The following ROBO2 variants were observed in gnomAD, a reference collection of about 807,000 sequenced individuals.
The protein encoded by ROBO2 is roundabout homolog 2.
ROBO2 carries 53 observed loss-of-function variants against 160.8 expected under a neutral mutation model. That is an observed-to-expected ratio of 0.33 (90% CI 0.26 to 0.41). The LOEUF (loss-of-function observed/expected upper bound fraction) is 0.41, where lower values mean the gene tolerates loss of function less well. Among genes scored for constraint, ROBO2 ranks in the 10% least tolerant of loss-of-function variants. The pLI is 1.00. For missense variants in ROBO2, 1,577 were observed against 1,722.4 expected, an observed-to-expected ratio of 0.92 and a Z score of 1.49; for synonymous variants, 664 against 611.7, an observed-to-expected ratio of 1.09 and a Z score of -1.26.
chr3:77,098,045 G>A (rs199878362), exon 2 of ROBO2: 3 of 1,583,960 alleles, frequency 1.9e-6, no homozygotes, highest in South Asian at 2.3e-5. Context: ...ACTTTCCCCC[G>A]CGGATTGTGG....
intron 6 of ROBO2, among the ~76,000 whole-genome samples, chr3:77,535,866 T>C (rs951516811): frequency 2.6e-5 from 4 of 152,178 alleles, no homozygotes; most frequent in Admixed American, 1.3e-4. Flanking sequence ...TTTCCACAGT[T>C]ACATGATTTC....
chr3:76,777,777 T>C (rs1225716640), intron 2 of ROBO2, among the ~76,000 whole-genome samples: 1 of 151,022 alleles, frequency 6.6e-6, no homozygotes, highest in Non-Finnish European at 1.5e-5. Flanking sequence ...GATGAGAGTT[T>C]AGTTAGTCTG....
chr3:76,773,738 G>A (rs1169427487), intron 2 of ROBO2, among the ~76,000 whole-genome samples: 3 of 150,538 alleles, frequency 2.0e-5, no homozygotes, highest in Admixed American at 6.6e-5. Flanking sequence ...TTAGACCACT[G>A]AGATCAAATT....
chr3:76,501,535 T>C (rs372641945), intron 2 of ROBO2, among the ~76,000 whole-genome samples: 1 of 152,212 alleles, frequency 6.6e-6, no homozygotes, highest in East Asian at 1.9e-4. Flanking sequence ...GCCAGGTATG[T>C]GGAGTAGTAG....
In ROBO2 at chr3:77,142,637, T is replaced by C. The variant is rs1328798369; in HGVS notation, c.388+44297T>C. Among the ~76,000 whole-genome samples, 3 of 152,236 alleles carry C rather than the reference T, an allele frequency of 2.0e-5. No homozygotes were observed. In the East Asian group the frequency reaches 5.8e-4, roughly 29 times the overall value. The stretch of plus-strand genomic sequence containing the variant: ...TAGCAGGCAAATCAATACGCGGTGG[T>C]CCCTACCAGGATTAATCATGGGAGG... On this transcript the variant is annotated intron_variant, in intron 2 of 25. Transcript: ENST00000461745.
chr3:76,906,531 C>T (rs1347991752), intron 2 of ROBO2, among the ~76,000 whole-genome samples: 1 of 151,670 alleles, frequency 6.6e-6, no homozygotes, highest in Non-Finnish European at 1.5e-5. Flanking sequence ...GGGTACCTGG[C>T]ACATAGTATG....
At chr3:77,616,891 A>T (rs2094792188) in intron 21 of ROBO2, among the ~76,000 whole-genome samples, 1 of 152,166 alleles carries the variant, frequency 6.6e-6, no homozygotes, top group Non-Finnish European at 1.5e-5. Context: ...CAATAAAAGT[A>T]TTATTTTTAT....
intron 23 of ROBO2, among the ~76,000 whole-genome samples, chr3:77,628,629 A>T: frequency 6.6e-6 from 1 of 152,192 alleles, no homozygotes; most frequent in Non-Finnish European, 1.5e-5. Context: ...ATGTGGCCAA[A>T]TGTCTTTTAA....
intron 2 of ROBO2, among the ~76,000 whole-genome samples, chr3:76,492,332 A>G (rs917852450): frequency 6.6e-6 from 1 of 152,146 alleles, no homozygotes; most frequent in African/African-American, 2.4e-5. Flanking sequence ...TCTGCCTGGT[A>G]TATTAAAGAT....
At chr3:77,491,363 A>T (rs1050279518) in intron 4 of ROBO2, among the ~76,000 whole-genome samples, 1 of 152,140 alleles carries the variant, frequency 6.6e-6, no homozygotes. Context: ...AGTGTCTCAA[A>T]CCTCTTTAAC....
intron 6 of ROBO2, 100 bp downstream of exon 7, chr3:77,527,514 C>A (rs2091280256): frequency 1.1e-6 from 1 of 915,616 alleles, no homozygotes; most frequent in Non-Finnish European, 1.5e-6. Flanking sequence ...TTATTTTACC[C>A]ATGTTAAAAT....
intron 2 of ROBO2, among the ~76,000 whole-genome samples, chr3:76,625,387 T>C (rs1000687196): frequency 2.6e-5 from 4 of 152,164 alleles, no homozygotes; most frequent in Non-Finnish European, 5.9e-5. Context: ...GTTTCTATTC[T>C]AGGCACCAGA....
chr3:76,046,435 G>T (rs572248383), intron 2 of ROBO2, among the ~76,000 whole-genome samples: 1 of 152,040 alleles, frequency 6.6e-6, no homozygotes, highest in African/African-American at 2.4e-5. Context: ...GGATCACAAG[G>T]TCAGGAGATC....
At chr3:76,015,462 A>G (rs1054243095) in intron 2 of ROBO2, among the ~76,000 whole-genome samples, 1 of 16,394 alleles carries the variant, frequency 6.1e-5, no homozygotes, top group African/African-American at 7.7e-5. Flanking sequence ...TCCATAATAA[A>G]GTGACAGAAT....
chr3:76,063,276 A>T (rs1253085317), intron 2 of ROBO2, among the ~76,000 whole-genome samples: 1 of 151,684 alleles, frequency 6.6e-6, no homozygotes, highest in Non-Finnish European at 1.5e-5. Context: ...GTCTAAAAAT[A>T]GCTACCATTC....
At chr3:76,812,345 GA>G (rs199902883) in intron 2 of ROBO2, among the ~76,000 whole-genome samples, 5,139 of 94,372 alleles carry the variant, frequency 0.054, 280 homozygotes, top group East Asian at 0.14. Flanking sequence ...AAAGCTATTT[GA>G]AAAAAAAAAA....
intron 23 of ROBO2, among the ~76,000 whole-genome samples, chr3:77,625,209 G>T (rs768184605): frequency 3.3e-5 from 5 of 152,008 alleles, no homozygotes; most frequent in Non-Finnish European, 7.4e-5. Context: ...CTCAGTACTG[G>T]ATAATATGTA....
At chr3:76,205,337 G>C (rs981006082) in intron 2 of ROBO2, among the ~76,000 whole-genome samples, 1 of 152,122 alleles carries the variant, frequency 6.6e-6, no homozygotes, top group Non-Finnish European at 1.5e-5. Context: ...GGCCAAGATG[G>C]AAGTGAGGAG....
intron 2 of ROBO2, among the ~76,000 whole-genome samples, chr3:77,396,648 C>A (rs1022394062): frequency 3.3e-5 from 5 of 152,120 alleles, no homozygotes; most frequent in African/African-American, 4.8e-5. Context: ...TCATATTAGA[C>A]CCTGTCATGG....
Sources: gnomAD v4.1 joint callset for allele counts (sites outside exome capture counted in the v4.1 genomes callset) on GRCh38, gnomAD v4.1.1 for gene constraint, MANE v1.5 for transcripts, NCBI Gene and HGNC (gene_info 2026-07-23, HGNC 2026-07-21) for gene names.